ADCY10: variants seen among roughly 807,000 people sequenced by gnomAD.
ADCY10 encodes the protein adenylate cyclase 10.
ADCY10 carries 156 observed loss-of-function variants against 183.3 expected under a neutral mutation model. That is an observed-to-expected ratio of 0.85 (90% CI 0.75 to 0.97). ADCY10 has a LOEUF of 0.97. Among genes scored for constraint, ADCY10 ranks in the 50% least tolerant of loss-of-function variants. The pLI is 0.00. For synonymous variants in ADCY10, 645 were observed against 670.0 expected (o/e 0.96, Z 0.58); for missense variants, 1,745 against 1,934.3 (o/e 0.90, Z 1.84).
At chr1:167,846,299 A>T in intron 19 of ADCY10, 36 bp from the exon 20 acceptor site, 1 of 1,611,512 alleles carries the variant, frequency 6.2e-7, no homozygotes, top group Non-Finnish European at 8.5e-7. Flanking sequence ...AAAACTAGTT[A>T]TTTATCTTTA....
chr1:167,843,384 C>A (rs1664791860), intron 21 of ADCY10, among the ~76,000 whole-genome samples: 1 of 152,126 alleles, frequency 6.6e-6, no homozygotes, highest in African/African-American at 2.4e-5. Flanking sequence ...GTATGACTCA[C>A]TGACCCCGCA....
intron 14 of ADCY10, among the ~76,000 whole-genome samples, chr1:167,864,571 CA>C (rs1424350054): frequency 6.7e-6 from 1 of 149,808 alleles, no homozygotes; most frequent in Non-Finnish European, 1.5e-5. Flanking sequence ...GAAACAGAGG[CA>C]AAAGGAAAGT....
intron 23 of ADCY10, among the ~76,000 whole-genome samples, chr1:167,836,083 G>A (rs967026343): frequency 4.6e-5 from 7 of 152,106 alleles, no homozygotes; most frequent in Non-Finnish European, 7.3e-5. Flanking sequence ...AGTTTCTAAA[G>A]GTGGCAATAT....
chr1:167,860,819 T>C, intron 15 of ADCY10, 52 bp downstream of exon 15: 1 of 1,478,814 alleles, frequency 6.8e-7, no homozygotes. Flanking sequence ...AGAGAGGAGT[T>C]GCTGTGCCTG....
At chr1:167,859,695 A>G in intron 16 of ADCY10, 112 bp downstream of exon 16, 1 of 828,716 alleles carries the variant, frequency 1.2e-6, no homozygotes, top group Non-Finnish European at 2.1e-6. Context: ...CAAAGCCTTC[A>G]CATCCTTCAA....
chr1:167,836,001 G>C (rs1430335073), intron 23 of ADCY10, among the ~76,000 whole-genome samples: 1 of 152,182 alleles, frequency 6.6e-6, no homozygotes, highest in Non-Finnish European at 1.5e-5. Context: ...ACTATGCTGA[G>C]AGTCCTCTCT....
chr1:167,891,905 T>C (rs913656006), intron 8 of ADCY10, among the ~76,000 whole-genome samples: 4 of 152,108 alleles, frequency 2.6e-5, no homozygotes, highest in African/African-American at 9.7e-5. Context: ...CCTGGTTTCA[T>C]GTAATTTTAT....
At chr1:167,811,513 G>A (rs1293795766) in intron 31 of ADCY10, among the ~76,000 whole-genome samples, 1 of 152,216 alleles carries the variant, frequency 6.6e-6, no homozygotes, top group Non-Finnish European at 1.5e-5. Flanking sequence ...CTTGAACCAG[G>A]GAGGCAGAGG....
chr1:167,898,458 G>A (rs1294369083), intron 6 of ADCY10, among the ~76,000 whole-genome samples: 1 of 152,064 alleles, frequency 6.6e-6, no homozygotes, highest in Non-Finnish European at 1.5e-5. Context: ...AAATTAGCTG[G>A]GCGTGGTAGC....
At chr1:167,897,261 A>G (rs936890316) in intron 6 of ADCY10, among the ~76,000 whole-genome samples, 1 of 150,724 alleles carries the variant, frequency 6.6e-6, no homozygotes, top group Non-Finnish European at 1.5e-5. Flanking sequence ...TGAGGTGGGC[A>G]GATTGCTTGA....
At chr1:167,878,163 A>G (rs1313625100) in intron 12 of ADCY10, among the ~76,000 whole-genome samples, 1 of 152,202 alleles carries the variant, frequency 6.6e-6, no homozygotes, top group East Asian at 1.9e-4. Context: ...TTGGGTGCAA[A>G]TAGATACTCA....
chr1:167,854,643 T>C (rs1476199442), intron 17 of ADCY10, among the ~76,000 whole-genome samples, 154 bp from the exon 18 acceptor site: 1 of 151,908 alleles, frequency 6.6e-6, no homozygotes, highest in Non-Finnish European at 1.5e-5. Flanking sequence ...TTGTTTTCTT[T>C]TTATTTCACT....
intron 7 of ADCY10, among the ~76,000 whole-genome samples, chr1:167,895,261 C>T (rs1008952369): frequency 2.6e-5 from 4 of 151,548 alleles, no homozygotes; most frequent in Non-Finnish European, 4.4e-5. Context: ...ATAGAAGGTA[C>T]CATTAAGACC....
intron 12 of ADCY10, among the ~76,000 whole-genome samples, chr1:167,876,809 T>C (rs568325350): frequency 6.6e-6 from 1 of 152,314 alleles, no homozygotes; most frequent in East Asian, 1.9e-4. Flanking sequence ...CTTTTGTCAA[T>C]GGACTATCTG....
intron 1 of ADCY10, 43 bp from the exon 2 acceptor site, chr1:167,905,241 T>C: frequency 7.3e-7 from 1 of 1,372,822 alleles, no homozygotes; most frequent in South Asian, 1.2e-5. Context: ...TATATTCATT[T>C]GCTCATTTTC....
chr1:167,858,144 C>T (rs1485498890), intron 16 of ADCY10, among the ~76,000 whole-genome samples: 2 of 151,924 alleles, frequency 1.3e-5, no homozygotes, highest in Non-Finnish European at 2.9e-5. Context: ...TTATTATGTA[C>T]AATTATGAGG....
At chr1:167,907,609 G>A (rs1284783397) in intron 1 of ADCY10, among the ~76,000 whole-genome samples, 2 of 152,186 alleles carry the variant, frequency 1.3e-5, no homozygotes, top group South Asian at 2.1e-4. Context: ...CCTACCATGT[G>A]CACAATAGGA....
At position 167,848,489 on chromosome 1, in the gene ADCY10, T is replaced by C. The variant is rs1232085760; in HGVS notation, c.2309A>G (p.Lys770Arg). The C allele has an allele frequency of 1.2e-6, 2 of 1,613,704 alleles. No individual in the cohort carries two copies. Among genetic ancestry groups the C allele is most frequent in the Admixed American group, 3.3e-5 (2 of 60,022 alleles). ...KTNRTWNNLF[K>R]YSIKLTEKLN... ...CTTCTCTGTTAGCTTAATGGAATAC[T>C]CTACAGGGGTATAAAAGGGAAGAAA... Residue 770 changes from lysine to arginine, a missense_variant and splice_region_variant, in exon 19 of 33, where the codon AAG becomes AGG. Lys to Arg is a conservative substitution (Grantham distance 26, BLOSUM62 2). Coordinates refer to ENST00000367851, the MANE Select transcript of ADCY10 (RefSeq NM_018417.6).
intron 30 of ADCY10, among the ~76,000 whole-genome samples, chr1:167,821,462 T>G (rs1662905408): frequency 6.6e-6 from 1 of 152,220 alleles, no homozygotes; most frequent in South Asian, 2.1e-4. Flanking sequence ...CTCTCTATCT[T>G]GAGAGCCAGT....
Sources: gnomAD v4.1 joint callset for allele counts (sites outside exome capture counted in the v4.1 genomes callset) on GRCh38, gnomAD v4.1.1 for gene constraint, MANE v1.5 for transcripts, NCBI Gene and HGNC (gene_info 2026-07-23, HGNC 2026-07-21) for gene names.